Variants in CNTNAP2 observed in about 807,000 individuals in gnomAD.
CNTNAP2 encodes the protein contactin associated protein 2, also known as contactin-associated protein-like 2.
Under a neutral mutation model 155.2 loss-of-function variants are expected in CNTNAP2, and 98 were observed. That is an observed-to-expected ratio of 0.63 (90% CI 0.54 to 0.75). The LOEUF (loss-of-function observed/expected upper bound fraction) is 0.75. Ranked by LOEUF, CNTNAP2 falls within the 30% of genes least tolerant of loss-of-function variation. The pLI is 0.00. For synonymous variants in CNTNAP2, 651 were observed against 631.2 expected, an observed-to-expected ratio of 1.03 and a Z score of -0.47; for missense variants, 1,727 against 1,688.1, an observed-to-expected ratio of 1.02 and a Z score of -0.40.
intron 1 of CNTNAP2, among the ~76,000 whole-genome samples, chr7:146,273,440 A>G (rs769360499): frequency 6.6e-6 from 1 of 152,186 alleles, no homozygotes; most frequent in South Asian, 2.1e-4. Context: ...GCCACACAAT[A>G]TATGTCTCAA....
At chr7:147,764,717 C>G (rs1469863622) in intron 13 of CNTNAP2, among the ~76,000 whole-genome samples, 9 of 152,170 alleles carry the variant, frequency 5.9e-5, no homozygotes, top group Admixed American at 5.9e-4. Flanking sequence ...GAAACAAAAG[C>G]TGCTGAGTTC....
intron 1 of CNTNAP2, among the ~76,000 whole-genome samples, chr7:146,651,775 T>G (rs1286527859): frequency 6.6e-6 from 1 of 152,158 alleles, no homozygotes; most frequent in Non-Finnish European, 1.5e-5. Flanking sequence ...ATTGCAAGGT[T>G]GAGATAGTGT....
chr7:147,514,140 G>A (rs1799073085), intron 11 of CNTNAP2, among the ~76,000 whole-genome samples: 1 of 152,144 alleles, frequency 6.6e-6, no homozygotes, highest in African/African-American at 2.4e-5. Flanking sequence ...TACAATGACA[G>A]TAGGCTTTGC....
At chr7:148,071,274 C>T (rs1464870116) in intron 15 of CNTNAP2, among the ~76,000 whole-genome samples, 2 of 152,156 alleles carry the variant, frequency 1.3e-5, no homozygotes, top group African/African-American at 2.4e-5. Flanking sequence ...GTCAGGAGTT[C>T]GAGACCAGTC....
At chr7:146,450,935 A>ATATTTATT (rs60956135) in intron 1 of CNTNAP2, among the ~76,000 whole-genome samples, 35,802 of 148,762 alleles carry the variant, frequency 0.24, 4,642 homozygotes, top group Admixed American at 0.38. Flanking sequence ...CATAGTAAAA[A>ATATTTATT]TATTTATTTA....
intron 3 of CNTNAP2, among the ~76,000 whole-genome samples, chr7:146,994,233 C>A (rs943585968): frequency 2.0e-5 from 3 of 151,980 alleles, no homozygotes; most frequent in African/African-American, 7.3e-5. Context: ...TTTTCTAATG[C>A]ATTTATTGCA....
chr7:147,114,420 T>C, intron 5 of CNTNAP2, among the ~76,000 whole-genome samples: 1 of 152,198 alleles, frequency 6.6e-6, no homozygotes, highest in Admixed American at 6.5e-5. Context: ...TATTAAAGTC[T>C]CCCACTATTA....
chr7:146,366,279 A>G (rs1795154182), intron 1 of CNTNAP2, among the ~76,000 whole-genome samples: 1 of 152,140 alleles, frequency 6.6e-6, no homozygotes, highest in Admixed American at 6.6e-5. Context: ...CCGTTAGTCT[A>G]GAATTTTTTA....
At chr7:147,505,145 TC>T (rs1352427512) in intron 11 of CNTNAP2, among the ~76,000 whole-genome samples, 1 of 152,136 alleles carries the variant, frequency 6.6e-6, no homozygotes, top group African/African-American at 2.4e-5. Context: ...CAGAAACAGT[TC>T]TCTCAGCACT....
intron 13 of CNTNAP2, among the ~76,000 whole-genome samples, chr7:147,865,596 A>C (rs906047997): frequency 6.6e-6 from 1 of 152,110 alleles, no homozygotes; most frequent in Admixed American, 6.6e-5. Context: ...TTATTGCCTC[A>C]ATTTCAGAGC....
intron 1 of CNTNAP2, among the ~76,000 whole-genome samples, chr7:146,345,357 G>A (rs959867816): frequency 4.6e-5 from 7 of 152,132 alleles, no homozygotes; most frequent in Admixed American, 4.6e-4. Flanking sequence ...GTTCTTAAAG[G>A]CATGTTAGGG....
Position 146,288,247 on chromosome 7 carries a change from G to A in CNTNAP2, c.97+171274G>A, listed in dbSNP as rs1800369324. 6.0e-5 allele frequency among the ~76,000 whole-genome samples: 9 copies of A among 149,102 alleles called. No homozygotes were observed. In the South Asian group the frequency reaches 1.9e-3, roughly 32 times the overall value. On this transcript the variant is annotated intron_variant, in intron 1 of 23. Coordinates refer to ENST00000361727, the MANE Select transcript of CNTNAP2 (RefSeq NM_014141.6). ...TGGGAGGCCGAGGCTACAGTGAGCT[G>A]TGACTGAGCCACTGCACTCCAGCCT... is the stretch of plus-strand genomic sequence containing the variant.
chr7:146,396,707 A>G (rs1795632587), intron 1 of CNTNAP2, among the ~76,000 whole-genome samples: 2 of 139,762 alleles, frequency 1.4e-5, no homozygotes, highest in Non-Finnish European at 3.0e-5. Flanking sequence ...ATATTTATAT[A>G]CATATATATA....
chr7:146,122,769 C>T (rs1797582549), intron 1 of CNTNAP2, among the ~76,000 whole-genome samples: 1 of 152,172 alleles, frequency 6.6e-6, no homozygotes, highest in Admixed American at 6.5e-5. Flanking sequence ...ATTTAAAATA[C>T]AGCCTATTTA....
chr7:146,148,513 A>G (rs1282366067), intron 1 of CNTNAP2, among the ~76,000 whole-genome samples: 3 of 152,280 alleles, frequency 2.0e-5, no homozygotes, highest in East Asian at 3.9e-4. Context: ...GAGTAAACCT[A>G]TTGGGAAAAT....
chr7:146,241,169 G>A (rs1799554487), intron 1 of CNTNAP2, among the ~76,000 whole-genome samples: 2 of 152,148 alleles, frequency 1.3e-5, no homozygotes, highest in South Asian at 4.1e-4. Flanking sequence ...CAATACTGGG[G>A]ATGACAATTC....
Position 146,262,506 on chromosome 7 carries a change from G to A in CNTNAP2, c.97+145533G>A, listed in dbSNP as rs188306932. On this transcript the variant is annotated intron_variant, in intron 1 of 23. Coordinates refer to ENST00000361727, the MANE Select transcript of CNTNAP2 (RefSeq NM_014141.6). ...AAAGAAATATTTCTTCTCTTCCAAT[G>A]CATATAACATTTTTCCAATATGTAC... 5.1e-3 allele frequency among the ~76,000 whole-genome samples: 782 copies of A among 152,172 alleles called. 6 individuals are homozygous for A. Among genetic ancestry groups the A allele is most frequent in the Non-Finnish European group, 8.0e-3 (546 of 68,016 alleles).
At chr7:147,519,180 G>A (rs1382274944) in intron 11 of CNTNAP2, among the ~76,000 whole-genome samples, 1 of 152,112 alleles carries the variant, frequency 6.6e-6, no homozygotes, top group Non-Finnish European at 1.5e-5. Flanking sequence ...AAATCAACAG[G>A]AACGCATTCC....
intron 15 of CNTNAP2, among the ~76,000 whole-genome samples, chr7:148,031,524 T>C (rs772803454): frequency 4.6e-5 from 7 of 152,208 alleles, no homozygotes; most frequent in Non-Finnish European, 1.0e-4. Context: ...TCTTTAGTAT[T>C]TGGTAGAAAC....
Sources: allele counts gnomAD v4.1 joint callset (sites outside exome capture counted in the v4.1 genomes callset), GRCh38; gene constraint gnomAD v4.1.1; transcripts MANE v1.5; gene names NCBI Gene and HGNC (gene_info 2026-07-23, HGNC 2026-07-21).